Variants in ZNF594 observed in about 807,000 individuals in gnomAD.
ZNF594 encodes zinc finger protein HZF18.
For missense variants in ZNF594, 1,037 were observed against 964.6 expected (o/e 1.08, Z -0.99); for synonymous variants, 336 against 309.4 (o/e 1.09, Z -0.90).
downstream of ZNF594, among the ~76,000 whole-genome samples, chr17:5,177,477 A>C (rs2074314646): frequency 6.6e-6 from 1 of 152,212 alleles, no homozygotes; most frequent in African/African-American, 2.4e-5. Context: ...TGGGAGTTCG[A>C]GGCAGGTGGA....
intron 1 of ZNF594, among the ~76,000 whole-genome samples, chr17:5,185,903 G>T (rs1317884835): frequency 6.6e-6 from 1 of 152,172 alleles, no homozygotes. Context: ...GCAAGAGGTG[G>T]GTTCCCATGG....
downstream of ZNF594, among the ~76,000 whole-genome samples, chr17:5,176,918 G>T (rs774460695): frequency 5.3e-5 from 8 of 152,058 alleles, no homozygotes; most frequent in Non-Finnish European, 8.8e-5. Context: ...TTATAGGGTT[G>T]GGCGCAGAGG....
intron 1 of ZNF594, among the ~76,000 whole-genome samples, chr17:5,190,533 T>A (rs1430666791): frequency 6.6e-6 from 1 of 152,198 alleles, no homozygotes; most frequent in Non-Finnish European, 1.5e-5. Flanking sequence ...CAATCCTTTT[T>A]AATTCACATT....
At position 5,182,185 on chromosome 17, in the gene ZNF594, C is replaced by T. The variant is rs199940418; in HGVS notation, c.2072G>A (p.Arg691Gln). 299 of 1,613,420 alleles carry T rather than the reference C, an allele frequency of 1.9e-4. 9 individuals are homozygous for T. In the African/African-American group the frequency reaches 3.4e-3, roughly 18 times the overall value. Residue 691 changes from arginine to glutamine, a missense_variant, in exon 2 of 2, where the codon CGG (arginine) becomes CAG (glutamine). Physicochemically the swap from Arg to Gln is conservative, Grantham distance 43. Transcript: ENST00000575779. ...CCGATGTTGAATAAGGAGGGAACGC[C>T]GCCTGAAGGCATTCCCACATTCACT... ...QCSECGNAFR[R>Q]RSLLIQHRRL...
At chr17:5,190,246 T>C (rs1293281921) in intron 1 of ZNF594, among the ~76,000 whole-genome samples, 2 of 152,142 alleles carry the variant, frequency 1.3e-5, no homozygotes, top group Non-Finnish European at 2.9e-5. Context: ...CACATGCCTG[T>C]AGTCCCAGCT....
intron 1 of ZNF594, among the ~76,000 whole-genome samples, chr17:5,185,202 C>A (rs1347827942): frequency 6.6e-6 from 1 of 152,182 alleles, no homozygotes; most frequent in Non-Finnish European, 1.5e-5. Context: ...CTGATAAAGA[C>A]ATACCTGAGA....
intron 1 of ZNF594, among the ~76,000 whole-genome samples, chr17:5,188,248 T>C (rs1292703291): frequency 7.0e-6 from 1 of 142,576 alleles, no homozygotes; most frequent in Non-Finnish European, 1.5e-5. Flanking sequence ...ATTTAAAAGA[T>C]AGTAGATTAA....
rs1216903929 is a variant in ZNF594, at chr17:5,180,868, T to A, written c.*965A>T. ...CATGGTTTTTTTCTAATAAAACTCA[T>A]TTGTAGTGCAATAAGATGTGGTCTC... On this transcript the variant is annotated 3_prime_UTR_variant, in exon 2 of 2. Transcript: ENST00000575779. 2.1e-6 allele frequency: 1 copy of A among 474,436 alleles called. No homozygotes were observed. Among genetic ancestry groups the A allele is most frequent in the Non-Finnish European group, 3.9e-6 (1 of 258,094 alleles). The allele number at this position is 474,436 out of a possible 1,614,324, so 29.4% of individuals were successfully genotyped here. A position where few individuals can be genotyped will look rare whatever the true frequency, so the allele number is the denominator to read the frequency against.
intron 1 of ZNF594, among the ~76,000 whole-genome samples, chr17:5,188,164 GTT>G (rs74266329): frequency 6.7e-5 from 7 of 104,382 alleles, no homozygotes; most frequent in Admixed American, 9.9e-5. Flanking sequence ...AGTGTTTAGT[GTT>G]TTTTTTTTTT....
In ZNF594 at chr17:5,181,400, A is replaced by G. The variant is rs750456038; in HGVS notation, c.*433T>C. ...CCCTACCACACTGATTACACCAATA[A>G]GCTTTCTCTTCTTGGTGAATTTTCT... On this transcript the variant is annotated 3_prime_UTR_variant, in exon 2 of 2. Coordinates refer to ENST00000575779, the MANE Select transcript of ZNF594 (RefSeq NM_032530.2). 2 of 1,613,086 alleles carry G rather than the reference A, an allele frequency of 1.2e-6. No individual in the cohort carries two copies. The highest frequency in any genetic ancestry group is 3.3e-5 in the Admixed American group (2 of 60,002).
rs2074334798 is a variant in ZNF594 at position 5,180,958 on chromosome 17, T to C, written c.*875A>G. The C allele has an allele frequency of 1.4e-6, 1 of 698,152 alleles. No individual in the cohort carries two copies. Among genetic ancestry groups the C allele is most frequent in the South Asian group, 1.5e-5 (1 of 66,988 alleles). 43.2% of individuals were successfully genotyped at this position (698,152 alleles called of 1,614,324 possible). On this transcript the variant is annotated 3_prime_UTR_variant, in exon 2 of 2. Coordinates refer to ENST00000575779, the MANE Select transcript of ZNF594 (RefSeq NM_032530.2). Reference sequence around the variant, plus strand: ...CTGCTACCTATTAGAATAGGTCCTGTTTGTAGACTCTTACAGTCTTCAAAT... The same window carrying C: ...CTGCTACCTATTAGAATAGGTCCTGCTTGTAGACTCTTACAGTCTTCAAAT...
rs368599733 is a variant in ZNF594, at chr17:5,183,312, T to C, written c.945A>G (p.Arg315=). 3.1e-6 allele frequency: 5 copies of C among 1,613,856 alleles called. No homozygotes were observed. The highest frequency in any genetic ancestry group is 4.2e-6 in the Non-Finnish European group (5 of 1,180,030). The change falls in exon 2 of 2, where the codon AGA becomes AGG. Residue 315 remains arginine, a synonymous_variant. Transcript: ENST00000575779. The stretch of plus-strand genomic sequence containing the variant: ...CATAGGGTTTCTCTCCACTGTGGAG[T>C]CTCTGGTGTTCAGTAAGGTGAGAAT... ...RQHSHLTEHQ[R]LHSGEKPYEC... is the part of the protein sequence containing the mutation.
intron 1 of ZNF594, among the ~76,000 whole-genome samples, chr17:5,188,255 T>C (rs1441053790): frequency 7.8e-6 from 1 of 127,492 alleles, no homozygotes; most frequent in Non-Finnish European, 1.6e-5. Flanking sequence ...AGATAGTAGA[T>C]TAAAGGCTGC....
At chr17:5,184,820 A>C (rs1481782865) in intron 1 of ZNF594, among the ~76,000 whole-genome samples, 1 of 152,260 alleles carries the variant, frequency 6.6e-6, no homozygotes, top group Non-Finnish European at 1.5e-5. Flanking sequence ...CAAATCTTGT[A>C]CGAACTGGCA....
At position 5,182,265 on chromosome 17, in the gene ZNF594, C is replaced by A; in HGVS notation, c.1992G>T (p.Arg664Ser). 6.2e-7 allele frequency: 1 copy of A among 1,613,314 alleles called. No homozygotes were observed. Among genetic ancestry groups the A allele is most frequent in the East Asian group, 2.2e-5 (1 of 44,814 alleles). Residue 664 changes from arginine to serine, a missense_variant, in exon 2 of 2, where the codon AGG (arginine) becomes AGT (serine). Transcript: ENST00000575779. Reference sequence around the variant, plus strand: ...TTTTCTGGTGTGTAGCAAGGTGTGACCTCTGGCTGAAGGCTTTCCCACATT... The same window carrying A: ...TTTTCTGGTGTGTAGCAAGGTGTGAACTCTGGCTGAAGGCTTTCCCACATT... ...CSECGKAFSQ[R>S]SHLATHQKIH... is the part of the protein sequence containing the mutation.
Sources: gnomAD v4.1 joint callset for allele counts (sites outside exome capture counted in the v4.1 genomes callset) on GRCh38, gnomAD v4.1.1 for gene constraint, MANE v1.5 for transcripts, NCBI Gene and HGNC (gene_info 2026-07-23, HGNC 2026-07-21) for gene names.